ULK4: variants seen among roughly 807,000 people sequenced by gnomAD.
The protein encoded by ULK4 is inactive serine/threonine-protein kinase ULK4.
ULK4 carries 133 observed loss-of-function variants against 160.6 expected under a neutral mutation model. The ratio of observed to expected loss-of-function variants is 0.83; its 90% CI spans 0.72 to 0.96. The LOEUF is 0.96. Ranked by LOEUF, ULK4 falls within the 40% of genes least tolerant of loss-of-function variation. The pLI is 0.00. For missense variants in ULK4, 1,580 were observed against 1,499.5 expected (o/e 1.05, Z -0.89); for synonymous variants, 534 against 539.8 (o/e 0.99, Z 0.15).
At chr3:41,540,304 T>C (rs1432181231) in intron 32 of ULK4, among the ~76,000 whole-genome samples, 1 of 152,146 alleles carries the variant, frequency 6.6e-6, no homozygotes, top group Admixed American at 6.5e-5. Context: ...TTTCTGTTCT[T>C]GTGATAGTTT....
chr3:41,782,958 C>T (rs1226317109), intron 21 of ULK4, among the ~76,000 whole-genome samples: 2 of 150,848 alleles, frequency 1.3e-5, no homozygotes, highest in Non-Finnish European at 2.9e-5. Flanking sequence ...AACACACATT[C>T]GTAACACATC....
intron 32 of ULK4, among the ~76,000 whole-genome samples, chr3:41,540,660 T>A (rs1387042975): frequency 6.6e-6 from 1 of 152,234 alleles, no homozygotes; most frequent in Non-Finnish European, 1.5e-5. Context: ...ACCAACAGTG[T>A]AAAAGTGTTC....
chr3:41,914,280 AAAT>A (rs1698895682), intron 8 of ULK4, among the ~76,000 whole-genome samples: 1 of 151,630 alleles, frequency 6.6e-6, no homozygotes, highest in Non-Finnish European at 1.5e-5. Flanking sequence ...AGTAAAACAC[AAAT>A]AATAGAATTT....
At chr3:41,567,536 T>C (rs1229321391) in intron 31 of ULK4, among the ~76,000 whole-genome samples, 1 of 138,688 alleles carries the variant, frequency 7.2e-6, no homozygotes, top group Non-Finnish European at 1.5e-5. Context: ...AACCTCCACC[T>C]CCTGGGTTCA....
chr3:41,477,400 T>C (rs1336851490), intron 32 of ULK4, among the ~76,000 whole-genome samples: 1 of 152,216 alleles, frequency 6.6e-6, no homozygotes, highest in Non-Finnish European at 1.5e-5. Flanking sequence ...TTTTAATGAT[T>C]TGAAAATACA....
intron 17 of ULK4, among the ~76,000 whole-genome samples, chr3:41,866,952 C>G (rs772775048): frequency 2.6e-4 from 39 of 152,288 alleles, no homozygotes; most frequent in Admixed American, 7.2e-4. Flanking sequence ...ATCTCCCAGT[C>G]TTGACGTTAG....
chr3:41,399,831 G>A (rs1023892050), intron 34 of ULK4, among the ~76,000 whole-genome samples: 1 of 152,048 alleles, frequency 6.6e-6, no homozygotes, highest in Non-Finnish European at 1.5e-5. Flanking sequence ...TTGAACTCCT[G>A]GGCTCAAGCA....
intron 29 of ULK4, among the ~76,000 whole-genome samples, chr3:41,679,799 G>A (rs1007592292): frequency 3.3e-5 from 5 of 152,334 alleles, no homozygotes; most frequent in Non-Finnish European, 7.3e-5. Context: ...CCTACTGTGT[G>A]GAGGAGACAT....
At chr3:41,603,858 A>G (rs1029825288) in intron 31 of ULK4, among the ~76,000 whole-genome samples, 1 of 152,180 alleles carries the variant, frequency 6.6e-6, no homozygotes, top group Non-Finnish European at 1.5e-5. Flanking sequence ...TTACAAATAT[A>G]TTTTTAAAAT....
rs536630786 is a variant in ULK4 at position 41,593,314 on chromosome 3, C to T, written c.3120+22355G>A. On this transcript the variant is annotated intron_variant, in intron 31 of 36. Coordinates refer to ENST00000301831, the MANE Select transcript of ULK4 (RefSeq NM_017886.4). Reference sequence around the variant, plus strand: ...ATGTGATAGGTCACTGATCATGATGCGCATCTCTTTAGTGATTTGTTGATT... The same window carrying T: ...ATGTGATAGGTCACTGATCATGATGTGCATCTCTTTAGTGATTTGTTGATT... Among the ~76,000 whole-genome samples the T allele has an allele frequency of 1.1e-4, 17 of 152,222 alleles. No individual in the cohort carries two copies. The East Asian group carries it at 1.5e-3, about 14-fold the overall frequency.
intron 32 of ULK4, among the ~76,000 whole-genome samples, chr3:41,558,555 T>A (rs1279004579): frequency 6.6e-6 from 1 of 151,746 alleles, no homozygotes; most frequent in Non-Finnish European, 1.5e-5. Context: ...TATACAAAAA[T>A]TAGCCGGGCA....
chr3:41,896,927 A>C lies in ULK4; in HGVS notation c.1425T>G (p.Thr475=), dbSNP rs1272746689. Residue 475 remains threonine (T), a synonymous_variant, in exon 15 of 37, where the codon ACT becomes ACG. Coordinates refer to ENST00000301831, the MANE Select transcript of ULK4 (RefSeq NM_017886.4). The part of the protein sequence containing the change: ...LQQVCSQIDS[T]EKSMGASRAK... ...CTCGGGAGGCCCCCATGCTCTTCTCAGTGGAGTCGATCTGCGAGCACACTT... is the reference window on the plus strand; with the variant it reads ...CTCGGGAGGCCCCCATGCTCTTCTCCGTGGAGTCGATCTGCGAGCACACTT... The C allele has an allele frequency of 1.2e-6, 2 of 1,613,554 alleles. No individual in the cohort carries two copies. Among genetic ancestry groups the C allele is most frequent in the Middle Eastern group, 1.7e-4 (1 of 6,054 alleles).
chr3:41,929,271 G>A (rs1699495641), intron 5 of ULK4, among the ~76,000 whole-genome samples: 1 of 152,066 alleles, frequency 6.6e-6, no homozygotes, highest in African/African-American at 2.4e-5. Flanking sequence ...TGCAGAAAAG[G>A]CCTTCAACAA....
intron 22 of ULK4, among the ~76,000 whole-genome samples, chr3:41,725,930 G>C (rs2037632600): frequency 6.6e-6 from 1 of 152,128 alleles, no homozygotes; most frequent in Non-Finnish European, 1.5e-5. Context: ...TTCTCTCCCT[G>C]TTTTGGGAAA....
At chr3:41,720,759 G>A (rs1029807115) in intron 22 of ULK4, among the ~76,000 whole-genome samples, 2 of 152,138 alleles carry the variant, frequency 1.3e-5, no homozygotes, top group African/African-American at 4.8e-5. Context: ...AGACTCTGAG[G>A]ATACTGATAC....
At position 41,931,895 on chromosome 3, in the gene ULK4, C is replaced by T. The variant is rs1476858612; in HGVS notation, c.490G>A (p.Gly164Ser). Reference protein sequence around the residue: ...FALVAAEEGGGDNGENVLKKS... With the variant: ...FALVAAEEGGSDNGENVLKKS... ...TTCAGGACATTTTCCCCATTATCAC[C>T]TCCTCCTTCCTCTGCTGCCACCAAA... The change falls in exon 5 of 37, where the codon GGT becomes AGT. Residue 164 changes from glycine (G) to serine (S), a missense_variant. Coordinates refer to ENST00000301831, the MANE Select transcript of ULK4 (RefSeq NM_017886.4). 1.2e-6 allele frequency: 2 copies of T among 1,614,088 alleles called. No homozygotes were observed. Among genetic ancestry groups the T allele is most frequent in the Non-Finnish European group, 1.7e-6 (2 of 1,180,010 alleles).
At chr3:41,538,315 TG>T (rs1306868666) in intron 32 of ULK4, among the ~76,000 whole-genome samples, 8 of 152,058 alleles carry the variant, frequency 5.3e-5, no homozygotes, top group Non-Finnish European at 1.0e-4. Context: ...TTATGCCTAC[TG>T]GTGTAGCCAC....
chr3:41,601,250 C>T (rs914328511), intron 31 of ULK4, among the ~76,000 whole-genome samples: 2 of 151,896 alleles, frequency 1.3e-5, no homozygotes, highest in Non-Finnish European at 2.9e-5. Context: ...TAATACATAA[C>T]AAAGTGATAG....
At chr3:41,749,094 A>G (rs2038525068) in intron 22 of ULK4, among the ~76,000 whole-genome samples, 1 of 152,260 alleles carries the variant, frequency 6.6e-6, no homozygotes, top group African/African-American at 2.4e-5. Context: ...TATTCAGTAG[A>G]AACCATACAT....
Sources: allele counts gnomAD v4.1 joint callset (sites outside exome capture counted in the v4.1 genomes callset), GRCh38; gene constraint gnomAD v4.1.1; transcripts MANE v1.5; gene names NCBI Gene and HGNC (gene_info 2026-07-23, HGNC 2026-07-21).